GDA: variants seen among roughly 807,000 people sequenced by gnomAD.
GDA encodes the protein cytoplasmic PSD-95 interactor.
Under a neutral mutation model 59.6 loss-of-function variants are expected in GDA, and 18 were observed. The ratio of observed to expected loss-of-function variants is 0.30; its 90% CI spans 0.21 to 0.45. The LOEUF is 0.45. Ranked by LOEUF, GDA falls within the 20% of genes least tolerant of loss-of-function variation. GDA has a pLI of 1.00. For synonymous variants in GDA, 201 were observed against 201.1 expected, an observed-to-expected ratio of 1.00 and a Z score of 0.00; for missense variants, 427 against 552.3, an observed-to-expected ratio of 0.77 and a Z score of 2.27.
chr9:72,237,555 G>A (rs1343605898), intron 10 of GDA, among the ~76,000 whole-genome samples: 2 of 151,978 alleles, frequency 1.3e-5, no homozygotes, highest in Non-Finnish European at 2.9e-5. Context: ...CCACAACCAT[G>A]GCTTCATGTG....
intron 1 of GDA, among the ~76,000 whole-genome samples, chr9:72,138,163 G>A (rs912320087): frequency 3.3e-5 from 5 of 152,142 alleles, no homozygotes; most frequent in Admixed American, 6.5e-5. Flanking sequence ...GCTTATTAAG[G>A]ACCACTGTTT....
chr9:72,163,497 CTTT>C (rs201124130), intron 1 of GDA, among the ~76,000 whole-genome samples: 2 of 143,262 alleles, frequency 1.4e-5, no homozygotes. Flanking sequence ...TAAAATTATT[CTTT>C]TTTTTTTTTT....
At chr9:72,243,693 G>A in intron 11 of GDA, among the ~76,000 whole-genome samples, 1 of 152,182 alleles carries the variant, frequency 6.6e-6, no homozygotes, top group African/African-American at 2.4e-5. Flanking sequence ...GAATAAAAGA[G>A]TTGCCCTTTA....
At chr9:72,185,701 T>C (rs185010592) in intron 1 of GDA, among the ~76,000 whole-genome samples, 193 of 152,342 alleles carry the variant, frequency 1.3e-3, no homozygotes, top group African/African-American at 4.5e-3. Flanking sequence ...TCACAGTGGC[T>C]CAAAGAGCAG....
intron 1 of GDA, among the ~76,000 whole-genome samples, chr9:72,152,834 C>G (rs2130744892): frequency 6.6e-6 from 1 of 152,266 alleles, no homozygotes; most frequent in East Asian, 1.9e-4. Context: ...GTTGCCATGG[C>G]TTTTGGTGTT....
chr9:72,162,513 G>A (rs1828758559), intron 1 of GDA, among the ~76,000 whole-genome samples: 1 of 152,090 alleles, frequency 6.6e-6, no homozygotes, highest in Non-Finnish European at 1.5e-5. Context: ...CAGAGGGGAG[G>A]AGGAACCAGG....
At chr9:72,142,608 G>A (rs1025958590) in intron 1 of GDA, among the ~76,000 whole-genome samples, 19 of 151,862 alleles carry the variant, frequency 1.3e-4, no homozygotes, top group Admixed American at 1.2e-3. Context: ...AGTGATAGCA[G>A]GTGACCTTTC....
Position 72,213,900 on chromosome 9 carries a change from C to A in GDA, c.487C>A (p.Arg163=), listed in dbSNP as rs1052807844. ...ATACTTTACAGATAAATTTGGACAG[C>A]GGGCATTTGTGGGCAAAGTTTGCAT... is the stretch of plus-strand genomic sequence containing the variant. ...LADITDKFGQ[R]AFVGKVCMDL... The change falls in exon 5 of 14, where the codon CGG becomes AGG. Residue 163 remains arginine, a synonymous_variant. Transcript: ENST00000358399. 6.3e-7 allele frequency: 1 copy of A among 1,596,706 alleles called. No individual in the cohort carries two copies. Among genetic ancestry groups the A allele is most frequent in the Admixed American group, 1.7e-5 (1 of 59,984 alleles).
chr9:72,223,797 G>A (rs1837203921), intron 7 of GDA, among the ~76,000 whole-genome samples: 1 of 152,064 alleles, frequency 6.6e-6, no homozygotes, highest in South Asian at 2.1e-4. Flanking sequence ...TTATATCTGG[G>A]TTAAAATTGA....
Position 72,250,362 on chromosome 9 carries a change from G to A in GDA, c.*2020G>A. The stretch of plus-strand genomic sequence containing the variant: ...CATGTAGACTTAGGACTCATGTGCA[G>A]TAAATATAAATAAGTGTAGCATCAG... On this transcript the variant is annotated 3_prime_UTR_variant, in exon 14 of 14. Coordinates refer to ENST00000358399, the MANE Select transcript of GDA (RefSeq NM_004293.5). The A allele has an allele frequency of 9.2e-7, 1 of 1,092,256 alleles. No individual in the cohort carries two copies. The highest frequency in any genetic ancestry group is 8.0e-5 in the East Asian group (1 of 12,428). 67.7% of individuals were successfully genotyped at this position (1,092,256 alleles called of 1,614,324 possible).
chr9:72,153,964 A>T (rs571277918), intron 1 of GDA, among the ~76,000 whole-genome samples: 9 of 97,068 alleles, frequency 9.3e-5, no homozygotes, highest in East Asian at 9.0e-4. Context: ...AAAGTATAAT[A>T]AAAAAAAAAT....
chr9:72,154,077 C>A (rs887575725), intron 1 of GDA, among the ~76,000 whole-genome samples: 5 of 152,078 alleles, frequency 3.3e-5, no homozygotes, highest in African/African-American at 7.2e-5. Context: ...ACATCAGGGT[C>A]AGGTTGACAG....
At chr9:72,120,152 C>G (rs1255959335) in intron 1 of GDA, among the ~76,000 whole-genome samples, 1 of 151,266 alleles carries the variant, frequency 6.6e-6, no homozygotes, top group Admixed American at 6.6e-5. Context: ...TCAATAATTA[C>G]AAACTACAGC....
At chr9:72,231,073 C>A (rs10869150) in intron 9 of GDA, 41 bp from the exon 10 acceptor site, 320,436 of 1,125,024 alleles carry the variant, frequency 0.28, 48,564 homozygotes, top group East Asian at 0.49. Flanking sequence ...TTTATTGGAA[C>A]CACATGGATC....
intron 2 of GDA, among the ~76,000 whole-genome samples, chr9:72,200,265 G>A (rs1191098752): frequency 2.0e-5 from 3 of 151,954 alleles, no homozygotes; most frequent in Admixed American, 6.6e-5. Flanking sequence ...CAAAGTGCTG[G>A]GATTACAGGC....
chr9:72,162,936 C>T (rs1479348511), intron 1 of GDA, among the ~76,000 whole-genome samples: 3 of 152,154 alleles, frequency 2.0e-5, no homozygotes, highest in Non-Finnish European at 2.9e-5. Flanking sequence ...GGATTACAGG[C>T]GTGAGCCAAT....
At position 72,238,786 on chromosome 9, in the gene GDA, C is replaced by T. The variant is rs1383144450; in HGVS notation, c.989-2366C>T. Reference sequence around the variant, plus strand: ...GGGCAGATCTTCTGAGAAAATGCTTCAATTTTCCTTCCTCCTCCACACAGT... The same window carrying T: ...GGGCAGATCTTCTGAGAAAATGCTTTAATTTTCCTTCCTCCTCCACACAGT... On this transcript the variant is annotated intron_variant, in intron 10 of 13. Transcript: ENST00000358399. Among the ~76,000 whole-genome samples the T allele has an allele frequency of 7.2e-5, 11 of 152,272 alleles. No homozygotes were observed. The Middle Eastern group carries it at 0.01, about 141-fold the overall frequency.
At position 72,227,954 on chromosome 9, in the gene GDA, A is replaced by T; in HGVS notation, c.834A>T (p.Ala278=). 2 of 1,598,888 alleles carry T rather than the reference A, an allele frequency of 1.3e-6. No homozygotes were observed. The highest frequency in any genetic ancestry group is 2.2e-5 in the East Asian group (1 of 44,810). The stretch of plus-strand genomic sequence containing the variant: ...ACTCTTCTCTCCAGACAGTGATGGC[A>T]CACGGCTGCTACCTCTCTGCAGAAG... The part of the protein sequence containing the change: ...NNLLTNKTVM[A]HGCYLSAEEL... The change falls in exon 9 of 14, where the codon GCA becomes GCT. Residue 278 remains alanine (A), a synonymous_variant. Transcript: ENST00000358399.
At chr9:72,143,128 A>ATTT (rs534785979) in intron 1 of GDA, among the ~76,000 whole-genome samples, 1 of 125,274 alleles carries the variant, frequency 8.0e-6, no homozygotes, top group African/African-American at 3.0e-5. Flanking sequence ...CAGGTCAAGA[A>ATTT]TTTTTTTTTT....
Sources: allele counts gnomAD v4.1 joint callset (sites outside exome capture counted in the v4.1 genomes callset), GRCh38; gene constraint gnomAD v4.1.1; transcripts MANE v1.5; gene names NCBI Gene and HGNC (gene_info 2026-07-23, HGNC 2026-07-21).